The following ADGRG2 variants were observed in gnomAD, a reference collection of about 807,000 sequenced individuals.
ADGRG2 encodes G protein-coupled receptor 64.
In ADGRG2, 26 loss-of-function variants were observed where a neutral mutation model predicts 74.1. That is an observed-to-expected ratio of 0.35 (90% CI 0.26 to 0.49). The LOEUF is 0.49. Ranked by LOEUF, ADGRG2 falls within the 20% of genes least tolerant of loss-of-function variation. The pLI is 0.99. For synonymous variants in ADGRG2, 296 were observed against 295.2 expected, an observed-to-expected ratio of 1.00 and a Z score of -0.03; for missense variants, 619 against 763.1, an observed-to-expected ratio of 0.81 and a Z score of 2.22.
intron 4 of ADGRG2, among the ~76,000 whole-genome samples, chrX:19,039,507 A>G (rs1037296395): frequency 8.9e-6 from 1 of 112,412 alleles, no homozygotes; most frequent in Non-Finnish European, 1.9e-5. Context: ...GGTGTACCCA[A>G]AAGAATACAG....
chrX:19,027,320 G>GT (rs768957752), intron 10 of ADGRG2, 46 bp from the exon 11 acceptor site: 9 of 798,030 alleles, frequency 1.1e-5, no homozygotes, highest in Middle Eastern at 3.6e-4. Context: ...ACATTGTTTT[G>GT]TTTTTTCACT....
At chrX:19,102,966 T>C (rs1408730007) in intron 1 of ADGRG2, among the ~76,000 whole-genome samples, 1 of 111,578 alleles carries the variant, frequency 9.0e-6, no homozygotes, top group African/African-American at 3.3e-5. Flanking sequence ...TACAGGGTAG[T>C]GTCAGAGGCA....
intron 2 of ADGRG2, among the ~76,000 whole-genome samples, chrX:19,079,915 T>C (rs1229042126): frequency 3.2e-5 from 3 of 93,532 alleles, no homozygotes; most frequent in African/African-American, 1.2e-4. Flanking sequence ...TTGGTTTTTG[T>C]TTTTTTTTTT....
At chrX:19,074,527 G>A (rs1214763397) in intron 2 of ADGRG2, among the ~76,000 whole-genome samples, 3 of 79,474 alleles carry the variant, frequency 3.8e-5, no homozygotes, top group Admixed American at 2.9e-4. Context: ...GTGAGCCACC[G>A]CACCCAGCGC....
rs962270931 is a variant in ADGRG2 at position 18,990,001 on chromosome X, A to G, written c.*863T>C. On this transcript the variant is annotated 3_prime_UTR_variant, in exon 29 of 29. Transcript: ENST00000379869. ...AGCTAAACATCTTGGTGCAGATTCT[A>G]TAATCTGACTACTGGGGATGCGGTC... The G allele has an allele frequency of 1.8e-5, 2 of 112,223 alleles. No homozygotes were observed. The highest frequency in any genetic ancestry group is 6.5e-5 in the African/African-American group (2 of 30,785). 9.2% of individuals were successfully genotyped at this position (112,223 alleles called of 1,213,427 possible).
intron 3 of ADGRG2, among the ~76,000 whole-genome samples, chrX:19,059,746 TGTA>T (rs2061459312): frequency 9.5e-6 from 1 of 105,613 alleles, no homozygotes; most frequent in African/African-American, 3.5e-5. Context: ...ACCAGTACTA[TGTA>T]GTAGTACTAA....
chrX:19,100,063 A>G (rs1448984356), intron 1 of ADGRG2, among the ~76,000 whole-genome samples: 1 of 111,394 alleles, frequency 9.0e-6, no homozygotes, highest in African/African-American at 3.3e-5. Context: ...CGACCACTTT[A>G]CAAGGTCAGC....
intron 11 of ADGRG2, 94 bp from the exon 12 acceptor site, chrX:19,024,042 G>A (rs765752086): frequency 1.7e-6 from 1 of 591,657 alleles, no homozygotes; most frequent in African/African-American, 2.2e-5. Context: ...CAAGCACATG[G>A]TATACATTGC....
chrX:19,037,445 C>T (rs765123187), intron 6 of ADGRG2, 22 bp downstream of exon 6: 2 of 1,123,000 alleles, frequency 1.8e-6, no homozygotes, highest in South Asian at 3.8e-5. Context: ...TCAATTTTCA[C>T]TTGCTTCAGA....
chrX:19,112,063 A>AATT (rs746582476), intron 1 of ADGRG2, among the ~76,000 whole-genome samples: 126 of 108,434 alleles, frequency 1.2e-3, no homozygotes, highest in Non-Finnish European at 1.5e-3. Flanking sequence ...ATCTAAAGGG[A>AATT]ATTATTATTA....
chrX:19,038,738 C>A (rs1441914690), intron 4 of ADGRG2, among the ~76,000 whole-genome samples: 1 of 112,002 alleles, frequency 8.9e-6, no homozygotes. Flanking sequence ...GCACTGCTCT[C>A]CCCCAGGGCA....
At chrX:19,023,590 A>G (rs908624063) in intron 12 of ADGRG2, 137 bp from the exon 13 acceptor site, 2 of 439,025 alleles carry the variant, frequency 4.6e-6, no homozygotes, top group African/African-American at 4.9e-5. Flanking sequence ...TCACATTCCT[A>G]CCAGATTCCC....
intron 25 of ADGRG2, among the ~76,000 whole-genome samples, 180 bp downstream of exon 25, chrX:18,999,681 G>A (rs1469739611): frequency 3.6e-5 from 4 of 112,134 alleles, no homozygotes; most frequent in Non-Finnish European, 7.5e-5. Context: ...CACTTGAAGA[G>A]TAGCATGGCA....
At chrX:19,038,968 G>A (rs1055323288) in intron 4 of ADGRG2, among the ~76,000 whole-genome samples, 2 of 111,682 alleles carry the variant, frequency 1.8e-5, no homozygotes, top group African/African-American at 6.5e-5. Flanking sequence ...TGCAGTCCTG[G>A]GTTTGAATCT....
At chrX:19,099,555 T>A (rs1283296564) in intron 1 of ADGRG2, among the ~76,000 whole-genome samples, 2 of 112,207 alleles carry the variant, frequency 1.8e-5, no homozygotes, top group African/African-American at 6.5e-5. Flanking sequence ...ATAACTTGCC[T>A]GATGTCACAA....
At chrX:19,063,141 G>A (rs766217909) in intron 3 of ADGRG2, among the ~76,000 whole-genome samples, 11 of 111,543 alleles carry the variant, frequency 9.9e-5, no homozygotes, top group Middle Eastern at 4.2e-3. Flanking sequence ...TAAGGTCCAC[G>A]GGCTCTCTCT....
intron 1 of ADGRG2, among the ~76,000 whole-genome samples, chrX:19,090,482 T>A (rs181657171): frequency 9.5e-4 from 106 of 111,792 alleles, no homozygotes; most frequent in African/African-American, 3.4e-3. Context: ...AATATATTTA[T>A]AACTACAGGA....
At chrX:19,075,641 A>G (rs1165382493) in intron 2 of ADGRG2, among the ~76,000 whole-genome samples, 1 of 104,646 alleles carries the variant, frequency 9.6e-6, no homozygotes, top group Non-Finnish European at 2.0e-5. Flanking sequence ...AAAAAAAAAG[A>G]AAGAAAGAAA....
intron 3 of ADGRG2, among the ~76,000 whole-genome samples, chrX:19,041,823 T>G (rs1055662568): frequency 9.0e-6 from 1 of 111,725 alleles, no homozygotes; most frequent in African/African-American, 3.3e-5. Context: ...TTAATTTTGT[T>G]TTTGAGACAG....
Sources: allele counts gnomAD v4.1 joint callset (sites outside exome capture counted in the v4.1 genomes callset), GRCh38; gene constraint gnomAD v4.1.1; transcripts MANE v1.5; gene names NCBI Gene and HGNC (gene_info 2026-07-23, HGNC 2026-07-21).